LOXL2: variants seen among roughly 807,000 people sequenced by gnomAD.
LOXL2 encodes lysyl oxidase like 2.
Under a neutral mutation model 93.0 loss-of-function variants are expected in LOXL2, and 70 were observed. The ratio of observed to expected loss-of-function variants is 0.75; its 90% CI spans 0.62 to 0.92. The LOEUF (loss-of-function observed/expected upper bound fraction) is 0.92, where lower values mean the gene tolerates loss of function less well. Ranked by LOEUF, LOXL2 falls within the 40% of genes least tolerant of loss-of-function variation. The pLI is 0.00. For missense variants in LOXL2, 973 were observed against 1,054.9 expected (o/e 0.92, Z 1.08); for synonymous variants, 438 against 413.2 (o/e 1.06, Z -0.73).
chr8:23,403,738 C>T (rs1027087034), intron 1 of LOXL2, among the ~76,000 whole-genome samples: 6 of 152,032 alleles, frequency 3.9e-5, no homozygotes, highest in Admixed American at 6.5e-5. Flanking sequence ...CCGCGCCCGG[C>T]CCGTACGAGG....
rs186739181 is a variant in LOXL2 at position 23,313,329 on chromosome 8, G to A, written c.1637-3418C>T. Among the ~76,000 whole-genome samples the A allele has an allele frequency of 4.4e-3, 662 of 152,136 alleles. 15 individuals are homozygous for A. The East Asian group carries it at 0.064, about 15-fold the overall frequency. ...TTCATGTGGAGCCAAAAAAGAGCCC[G>A]CATCACCAAGTCAATCGTAAGCCAA... On this transcript the variant is annotated intron_variant, in intron 9 of 13. Transcript: ENST00000389131.
rs768039441 is a variant in LOXL2 at position 23,322,235 on chromosome 8, C to T, written c.1197G>A (p.Glu399=). 5.0e-6 allele frequency: 8 copies of T among 1,614,216 alleles called. No individual in the cohort carries two copies. Among genetic ancestry groups the T allele is most frequent in the South Asian group, 1.1e-5 (1 of 91,082 alleles). Residue 399 remains glutamate (E), a synonymous_variant, in exon 7 of 14, where the codon GAG becomes GAA. Transcript: ENST00000389131. ...HLNEIQCTGN[E]KSIIDCKFNA... Reference sequence around the variant, plus strand: ...TGAACTTGCAGTCTATAATGGACTTCTCATTGCCTGTGCACTGGATCTCGT... The same window carrying T: ...TGAACTTGCAGTCTATAATGGACTTTTCATTGCCTGTGCACTGGATCTCGT...
At chr8:23,367,424 G>A (rs993340649) in intron 2 of LOXL2, among the ~76,000 whole-genome samples, 5 of 152,100 alleles carry the variant, frequency 3.3e-5, no homozygotes, top group Admixed American at 1.3e-4. Context: ...GCTAACCAAC[G>A]GTGAAAAACC....
intron 3 of LOXL2, among the ~76,000 whole-genome samples, chr8:23,353,177 G>A (rs1206107220): frequency 6.6e-6 from 1 of 152,104 alleles, no homozygotes; most frequent in Non-Finnish European, 1.5e-5. Flanking sequence ...TACTGAGTAG[G>A]GCATCTGGAT....
chr8:23,305,173 G>C (rs909857963), intron 10 of LOXL2, among the ~76,000 whole-genome samples: 1 of 152,230 alleles, frequency 6.6e-6, no homozygotes, highest in South Asian at 2.1e-4. Context: ...CGCTCAGAGA[G>C]GGGCTTATGT....
At chr8:23,330,398 A>C (rs75107095) in intron 5 of LOXL2, among the ~76,000 whole-genome samples, 3 of 152,234 alleles carry the variant, frequency 2.0e-5, no homozygotes, top group South Asian at 4.1e-4. Flanking sequence ...CAAAACACGC[A>C]TAACTACTGG....
intron 8 of LOXL2, 33 bp downstream of exon 8, chr8:23,319,852 G>C (rs746268350): frequency 6.2e-7 from 1 of 1,605,018 alleles, no homozygotes; most frequent in African/African-American, 1.3e-5. Flanking sequence ...TGCATGGGGG[G>C]TGAATGCGGG....
intron 7 of LOXL2, chr8:23,321,916 C>T (rs1358844031): frequency 1.8e-6 from 1 of 554,504 alleles, no homozygotes; most frequent in Admixed American, 3.3e-5. Context: ...AGGGCCTTTC[C>T]AGCTCACACT....
chr8:23,322,120 G>A lies in LOXL2; in HGVS notation c.1302+10C>T. 1 of 1,613,764 alleles carries A rather than the reference G, an allele frequency of 6.2e-7. No homozygotes were observed. The highest frequency in any genetic ancestry group is 8.5e-7 in the Non-Finnish European group (1 of 1,179,794). On this transcript the variant is annotated intron_variant, in intron 7 of 13. Transcript: ENST00000389131. ...AGTTACAGTCCCCTCTAGGTGTCCA[G>A]TCCCATCACCTTCTTCTGCAAGCCC... is the stretch of plus-strand genomic sequence containing the variant.
chr8:23,385,115 T>G (rs1804739318), intron 1 of LOXL2, among the ~76,000 whole-genome samples: 1 of 150,944 alleles, frequency 6.6e-6, no homozygotes. Flanking sequence ...TTTTATGTAT[T>G]TATTTACCAC....
chr8:23,393,855 T>C (rs1800052256), intron 1 of LOXL2, among the ~76,000 whole-genome samples: 1 of 152,210 alleles, frequency 6.6e-6, no homozygotes, highest in Admixed American at 6.5e-5. Flanking sequence ...GCATGTCTGT[T>C]TCTCTTTTAA....
chr8:23,342,852 C>G (rs116498045), intron 3 of LOXL2, among the ~76,000 whole-genome samples: 3,381 of 152,192 alleles, frequency 0.022, 107 homozygotes, highest in East Asian at 0.13. Context: ...CTGGGCTCAA[C>G]CGATCCTCCT....
At chr8:23,355,512 C>CTTTTTTTTTT (rs58824822) in intron 3 of LOXL2, among the ~76,000 whole-genome samples, 2 of 80,322 alleles carry the variant, frequency 2.5e-5, no homozygotes, top group Non-Finnish European at 4.5e-5. Flanking sequence ...TTGACATTCA[C>CTTTTTTTTTT]TTTTTTTTTT....
At chr8:23,360,501 T>C (rs932193934) in intron 2 of LOXL2, among the ~76,000 whole-genome samples, 1 of 152,122 alleles carries the variant, frequency 6.6e-6, no homozygotes, top group Non-Finnish European at 1.5e-5. Context: ...ATGATTAGGA[T>C]AGAAGTTAGA....
Position 23,360,123 on chromosome 8 carries a change from G to C in LOXL2, c.498C>G (p.Phe166Leu), listed in dbSNP as rs748554075. The C allele has an allele frequency of 6.2e-6, 10 of 1,609,484 alleles. No individual in the cohort carries two copies. The highest frequency in any genetic ancestry group is 6.8e-6 in the Non-Finnish European group (8 of 1,176,072). ...GGTTGATCAACGAATTGTCAAATTT[G>C]AACCCAGGAATCCTTTTGTCGCTGC... ...VVCSDKRIPG[F>L]KFDNSLINQI... Residue 166 changes from phenylalanine (F) to leucine (L), a missense_variant, in exon 3 of 14, where the codon TTC becomes TTG. Phe to Leu is a conservative substitution (Grantham distance 22). Transcript: ENST00000389131.
intron 1 of LOXL2, among the ~76,000 whole-genome samples, chr8:23,374,510 T>C (rs575137159): frequency 0.1 from 15,209 of 152,186 alleles, 1,196 homozygotes; most frequent in African/African-American, 0.22. Context: ...TTCTAGATCC[T>C]TGAGGAATCG....
chr8:23,391,523 C>CTA (rs1804843206), intron 1 of LOXL2, among the ~76,000 whole-genome samples: 70 of 152,164 alleles, frequency 4.6e-4, no homozygotes, highest in Admixed American at 2.7e-3. Flanking sequence ...TAATCATCCT[C>CTA]CCCCACTACA....
intron 1 of LOXL2, among the ~76,000 whole-genome samples, chr8:23,389,159 C>G (rs1458712524): frequency 1.3e-5 from 2 of 152,130 alleles, no homozygotes; most frequent in South Asian, 2.1e-4. Flanking sequence ...GCAGAGCTAA[C>G]AGAGGAAAAG....
rs760665876 is a variant in LOXL2 at position 23,309,703 on chromosome 8, G to C, written c.1845C>G (p.Asn615Lys). The change falls in exon 10 of 14, where the codon AAC becomes AAG. Residue 615 changes from asparagine (N) to lysine (K), a missense_variant. Asn to Lys is a moderately conservative substitution (Grantham distance 94). Coordinates refer to ENST00000389131, the MANE Select transcript of LOXL2 (RefSeq NM_002318.3). The part of the protein sequence containing the change: ...NNGQSDFRPK[N>K]GRHAWIWHDC... ...CGTGCCAGATCCACGCGTGGCGGCC[G>C]TTCTTGGGCCGGAAGTCGGACTGGC... The C allele has an allele frequency of 1.1e-5, 17 of 1,559,022 alleles. No individual in the cohort carries two copies. The highest frequency in any genetic ancestry group is 1.9e-5 in the Admixed American group (1 of 53,214).
Sources: allele counts gnomAD v4.1 joint callset (sites outside exome capture counted in the v4.1 genomes callset), GRCh38; gene constraint gnomAD v4.1.1; transcripts MANE v1.5; gene names NCBI Gene and HGNC (gene_info 2026-07-23, HGNC 2026-07-21).